CNTNAP5: variants seen among roughly 807,000 people sequenced by gnomAD.
The protein encoded by CNTNAP5 is contactin associated protein family member 5.
CNTNAP5 carries 72 observed loss-of-function variants against 150.2 expected under a neutral mutation model. That is an observed-to-expected ratio of 0.48 (90% CI 0.40 to 0.58). The LOEUF is 0.58. Among genes scored for constraint, CNTNAP5 ranks in the 20% least tolerant of loss-of-function variants. CNTNAP5 has a pLI of 0.00. For synonymous variants in CNTNAP5, 672 were observed against 619.8 expected (o/e 1.08, Z -1.25); for missense variants, 1,636 against 1,626.2 (o/e 1.01, Z -0.10).
chr2:124,454,278 A>C (rs568866598), intron 6 of CNTNAP5, among the ~76,000 whole-genome samples: 1 of 152,340 alleles, frequency 6.6e-6, no homozygotes, highest in East Asian at 1.9e-4. Flanking sequence ...ACAGACTTTA[A>C]AGCAACAGCA....
chr2:124,497,395 A>G (rs1297907751), intron 7 of CNTNAP5, among the ~76,000 whole-genome samples: 6 of 152,224 alleles, frequency 3.9e-5, no homozygotes, highest in Admixed American at 3.9e-4. Context: ...CAGCCAACAT[A>G]GGGTTGGCAA....
chr2:124,163,152 C>T (rs570147913), intron 1 of CNTNAP5, among the ~76,000 whole-genome samples: 36 of 152,136 alleles, frequency 2.4e-4, no homozygotes, highest in Non-Finnish European at 3.2e-4. Flanking sequence ...CCTTTCATTT[C>T]GCAATGGTGG....
intron 22 of CNTNAP5, among the ~76,000 whole-genome samples, chr2:124,909,843 ATATATATATATATATG>A (rs1328075824): frequency 7.1e-6 from 1 of 141,170 alleles, no homozygotes; most frequent in East Asian, 2.0e-4. Context: ...ATATATATAT[ATATATATATATATATG>A]TTCTTCTCCA....
At chr2:124,042,139 G>A (rs940031668) in intron 1 of CNTNAP5, among the ~76,000 whole-genome samples, 15 of 152,302 alleles carry the variant, frequency 9.8e-5, no homozygotes, top group Middle Eastern at 3.4e-3. Context: ...GGGATTACCG[G>A]CATGAGCCAC....
At chr2:124,450,223 C>T (rs1232407654) in intron 6 of CNTNAP5, among the ~76,000 whole-genome samples, 1 of 151,126 alleles carries the variant, frequency 6.6e-6, no homozygotes, top group African/African-American at 2.4e-5. Flanking sequence ...CTGATATATA[C>T]TTCTGATATA....
At chr2:124,385,408 G>A (rs1455646867) in intron 3 of CNTNAP5, among the ~76,000 whole-genome samples, 1 of 151,910 alleles carries the variant, frequency 6.6e-6, no homozygotes, top group African/African-American at 2.4e-5. Context: ...ATTATCTCTG[G>A]CACCCATGAC....
chr2:124,550,508 T>C (rs1695603324), intron 10 of CNTNAP5, among the ~76,000 whole-genome samples: 1 of 152,154 alleles, frequency 6.6e-6, no homozygotes, highest in Non-Finnish European at 1.5e-5. Context: ...TCCAGAGAGC[T>C]CTACTGTCTG....
In CNTNAP5 at chr2:124,451,056, A is replaced by ATG. The variant is rs1464396396; in HGVS notation, c.918+4120_918+4121insGT. 1.8e-4 allele frequency among the ~76,000 whole-genome samples: 13 copies of ATG among 71,490 alleles called. 1 individual carries two copies. Among genetic ancestry groups the ATG allele is most frequent in the African/African-American group, 6.6e-4 (13 of 19,766 alleles). 46.9% of individuals were successfully genotyped at this position (71,490 alleles called of 152,430 possible). ...AAAAAAAAAAAAAAAAAAAAAATAT[A>ATG]TATATATATATATATATATATACAC... On this transcript the variant is annotated intron_variant, in intron 6 of 23. Coordinates refer to ENST00000682447, the MANE Select transcript of CNTNAP5 (RefSeq NM_001367498.1).
intron 13 of CNTNAP5, among the ~76,000 whole-genome samples, chr2:124,740,631 T>C (rs2105137378): frequency 6.6e-6 from 1 of 152,326 alleles, no homozygotes; most frequent in Admixed American, 6.5e-5. Context: ...ATGTACTTCT[T>C]TATAACCCCT....
intron 2 of CNTNAP5, among the ~76,000 whole-genome samples, chr2:124,241,809 C>A (rs554789195): frequency 1.3e-5 from 2 of 151,838 alleles, no homozygotes; most frequent in African/African-American, 4.8e-5. Context: ...AAAGAAGGAA[C>A]GATATATTAG....
intron 13 of CNTNAP5, among the ~76,000 whole-genome samples, chr2:124,699,672 G>T (rs1679478195): frequency 6.6e-6 from 1 of 152,122 alleles, no homozygotes; most frequent in Admixed American, 6.5e-5. Context: ...AATCCTGGGA[G>T]GTTAATTGAT....
chr2:124,569,447 G>T (rs1056133454), intron 11 of CNTNAP5, among the ~76,000 whole-genome samples: 1 of 150,760 alleles, frequency 6.6e-6, no homozygotes, highest in Non-Finnish European at 1.5e-5. Context: ...TGTATTATAG[G>T]AATAAGATTG....
rs567827016 is a variant in CNTNAP5, at chr2:124,862,958, G to A, written c.3218-2348G>A. 2.1e-3 allele frequency among the ~76,000 whole-genome samples: 319 copies of A among 152,168 alleles called. 1 individual carries two copies. The highest frequency in any genetic ancestry group is 7.5e-3 in the African/African-American group (310 of 41,530). On this transcript the variant is annotated intron_variant, in intron 19 of 23. Transcript: ENST00000682447. ...TAGCTGAGGTGTTTTTTTGTATCAC[G>A]AACTTGGATATTGGGGGAAGCTTCA...
intron 13 of CNTNAP5, among the ~76,000 whole-genome samples, chr2:124,669,393 A>T (rs1483641466): frequency 2.0e-5 from 3 of 152,218 alleles, no homozygotes; most frequent in Non-Finnish European, 4.4e-5. Context: ...CTTAACTTCT[A>T]GAATGTGATA....
intron 14 of CNTNAP5, among the ~76,000 whole-genome samples, chr2:124,749,295 A>G (rs541193866): frequency 6.6e-6 from 1 of 152,122 alleles, no homozygotes; most frequent in East Asian, 1.9e-4. Context: ...GAATAGGTAG[A>G]AGTGCTTCCC....
chr2:124,874,638 A>G (rs1181745693), intron 21 of CNTNAP5, among the ~76,000 whole-genome samples: 1 of 152,072 alleles, frequency 6.6e-6, no homozygotes, highest in Non-Finnish European at 1.5e-5. Flanking sequence ...TTAAGTTATT[A>G]TTATTATCTC....
At chr2:124,481,789 AGTT>A (rs1412574794) in intron 7 of CNTNAP5, among the ~76,000 whole-genome samples, 11 of 152,208 alleles carry the variant, frequency 7.2e-5, no homozygotes, top group African/African-American at 2.4e-4. Context: ...TTAAAATTTG[AGTT>A]GTTTGAATTT....
chr2:124,680,693 T>A (rs1264259333), intron 13 of CNTNAP5: 1 of 151,806 alleles, frequency 6.6e-6, no homozygotes. Context: ...TCATTCAATT[T>A]GCAATATACT....
intron 3 of CNTNAP5, among the ~76,000 whole-genome samples, chr2:124,336,322 C>A (rs1689466023): frequency 6.6e-6 from 1 of 152,130 alleles, no homozygotes; most frequent in African/African-American, 2.4e-5. Context: ...ACTGAACACA[C>A]AAATTGTTAT....
Sources: gnomAD v4.1 joint callset for allele counts (sites outside exome capture counted in the v4.1 genomes callset) on GRCh38, gnomAD v4.1.1 for gene constraint, MANE v1.5 for transcripts, NCBI Gene and HGNC (gene_info 2026-07-23, HGNC 2026-07-21) for gene names.